The following RBMS2 variants were observed in gnomAD, a reference collection of about 807,000 sequenced individuals.
RBMS2 encodes the protein RNA-binding motif, single-stranded-interacting protein 2.
A neutral mutation model predicts 58.4 loss-of-function variants in RBMS2; 38 were observed. The observed-to-expected ratio is 0.65, with a 90% CI of 0.50 to 0.85. The LOEUF (loss-of-function observed/expected upper bound fraction) is 0.85, where lower values mean the gene tolerates loss of function less well. Among genes scored for constraint, RBMS2 ranks in the 40% least tolerant of loss-of-function variants. The pLI, the probability that RBMS2 is intolerant of heterozygous loss-of-function variation, is 0.00. For synonymous variants in RBMS2, 151 were observed against 180.7 expected (o/e 0.84, Z 1.32); for missense variants, 367 against 503.7 (o/e 0.73, Z 2.60).
chr12:56,555,624 TC>T (rs1298473775), intron 1 of RBMS2, among the ~76,000 whole-genome samples: 1 of 151,834 alleles, frequency 6.6e-6, no homozygotes, highest in African/African-American at 2.4e-5. Flanking sequence ...CAGGTCTCAC[TC>T]TGTCACCCAG....
chr12:56,552,160 G>A lies in RBMS2; in HGVS notation c.67-10257G>A, dbSNP rs544807369. Among the ~76,000 whole-genome samples, 17 of 152,336 alleles carry A rather than the reference G, an allele frequency of 1.1e-4. No homozygotes were observed. The South Asian group carries it at 3.5e-3, about 32-fold the overall frequency. On this transcript the variant is annotated intron_variant, in intron 1 of 13. Coordinates refer to ENST00000262031, the MANE Select transcript of RBMS2 (RefSeq NM_002898.4). ...CTAATGTATTGCCTTAGAAACGTAG[G>A]CATGTAAAGGAAGTAATGTTTTTAA...
intron 1 of RBMS2, among the ~76,000 whole-genome samples, chr12:56,534,290 C>T (rs941619850): frequency 6.6e-6 from 1 of 152,214 alleles, no homozygotes; most frequent in Admixed American, 6.5e-5. Flanking sequence ...TGTGTTTGTT[C>T]ATTTTTGCTG....
intron 5 of RBMS2, chr12:56,573,056 CTT>C (rs34175256): frequency 3.1e-3 from 2,714 of 885,556 alleles, no homozygotes; most frequent in African/African-American, 7.4e-3. Context: ...ATTCTTTTGA[CTT>C]TTTTTTTTTT....
intron 1 of RBMS2, among the ~76,000 whole-genome samples, chr12:56,532,921 TTTTTA>T (rs148516758): frequency 0.4 from 60,564 of 150,136 alleles, 14,023 homozygotes; most frequent in East Asian, 0.58. Context: ...ACTCTCTTGC[TTTTTA>T]TTTTATTTTA....
intron 1 of RBMS2, among the ~76,000 whole-genome samples, chr12:56,535,177 T>C (rs951250807): frequency 6.6e-6 from 1 of 152,124 alleles, no homozygotes; most frequent in African/African-American, 2.4e-5. Flanking sequence ...CTCTTTTCTG[T>C]CTATACTTCT....
intron 4 of RBMS2, among the ~76,000 whole-genome samples, chr12:56,571,451 C>T (rs560181261): frequency 2.0e-5 from 3 of 152,218 alleles, no homozygotes; most frequent in Admixed American, 6.5e-5. Flanking sequence ...AAAGAGACAG[C>T]CAAACACCAT....
intron 1 of RBMS2, among the ~76,000 whole-genome samples, chr12:56,558,071 GT>G (rs1431754269): frequency 1.1e-5 from 1 of 90,648 alleles, no homozygotes; most frequent in Non-Finnish European, 2.1e-5. Flanking sequence ...TTGAGACGGA[GT>G]CTTGCTCTGT....
chr12:56,544,262 C>T (rs1876724895), intron 1 of RBMS2, among the ~76,000 whole-genome samples: 2 of 152,094 alleles, frequency 1.3e-5, no homozygotes, highest in South Asian at 4.1e-4. Flanking sequence ...GGCAACAGAG[C>T]GGGACTTTGT....
chr12:56,589,422 T>C lies in RBMS2; in HGVS notation c.*289T>C. The C allele has an allele frequency of 2.9e-6, 2 of 688,752 alleles. No individual in the cohort carries two copies. The highest frequency in any genetic ancestry group is 3.9e-6 in the Non-Finnish European group (2 of 508,572). 42.7% of individuals were successfully genotyped at this position (688,752 alleles called of 1,614,324 possible). A position where few individuals can be genotyped will look rare whatever the true frequency, so the allele number is the denominator to read the frequency against. On this transcript the variant is annotated 3_prime_UTR_variant, in exon 14 of 14. Coordinates refer to ENST00000262031, the MANE Select transcript of RBMS2 (RefSeq NM_002898.4). The stretch of plus-strand genomic sequence containing the variant: ...TTTTGCAAAGAAAGCTTTTTGTTTT[T>C]AACTGCAACGTACTTTTCCCCTACC...
chr12:56,542,580 A>G (rs375017278), intron 1 of RBMS2, among the ~76,000 whole-genome samples: 52 of 119,008 alleles, frequency 4.4e-4, no homozygotes, highest in African/African-American at 1.7e-3. Context: ...TCAGGGTTTC[A>G]CTGTGTTGCC....
At chr12:56,582,233 C>T in intron 9 of RBMS2, 81 bp downstream of exon 9, 5 of 1,270,266 alleles carry the variant, frequency 3.9e-6, no homozygotes, top group Non-Finnish European at 5.5e-6. Flanking sequence ...CTAGGAACTA[C>T]TTGTTTTTTG....
In RBMS2 at chr12:56,582,132, T is replaced by A. The variant is rs558330150; in HGVS notation, c.853T>A (p.Ser285Thr). The A allele has an allele frequency of 6.2e-7, 1 of 1,608,886 alleles. No homozygotes were observed. The highest frequency in any genetic ancestry group is 1.1e-5 in the South Asian group (1 of 90,874). Residue 285 changes from serine (S) to threonine (T), a missense_variant, in exon 9 of 14, where the codon TCT (serine) becomes ACT (threonine). This residue lies in a region of RBMS2 where 220 missense variants were observed against 261.1 expected (regional missense o/e 0.84). Transcript: ENST00000262031. ...GTCTGCACTCTCCCCATACCTTTCC[T>A]CTCCTGTGTCTTCGTATCAGGTATG... ...AQSALSPYLS[S>T]PVSSYQRVTQ...
intron 5 of RBMS2, among the ~76,000 whole-genome samples, chr12:56,578,825 C>T (rs915431875): frequency 2.0e-5 from 3 of 151,884 alleles, no homozygotes; most frequent in Non-Finnish European, 2.9e-5. Context: ...ATTAGCCAGG[C>T]GTGGTGGCTC....
At chr12:56,581,678 G>T in intron 7 of RBMS2, 155 bp from the exon 8 acceptor site, 2 of 1,151,088 alleles carry the variant, frequency 1.7e-6, no homozygotes, top group Non-Finnish European at 2.5e-6. Context: ...TGGCTTTGCG[G>T]CCTGCACAAT....
chr12:56,543,282 A>G (rs1876486337), intron 1 of RBMS2, among the ~76,000 whole-genome samples: 1 of 151,766 alleles, frequency 6.6e-6, no homozygotes, highest in South Asian at 2.1e-4. Context: ...CAGGAGTTCG[A>G]GACCAGCCTG....
chr12:56,560,326 G>A lies in RBMS2; in HGVS notation c.67-2091G>A, dbSNP rs191866844. Among the ~76,000 whole-genome samples, 616 of 150,296 alleles carry A rather than the reference G, an allele frequency of 4.1e-3. 4 individuals are homozygous for A. Among genetic ancestry groups the A allele is most frequent in the African/African-American group, 0.014 (584 of 40,814 alleles). On this transcript the variant is annotated intron_variant, in intron 1 of 13. Transcript: ENST00000262031. ...GGCTGGAGTGCAGTGGTGCAGTCTC[G>A]GCTCACTGCAACCTCTGCCTCCCGG...
chr12:56,525,453 C>T (rs1872495961), intron 1 of RBMS2, among the ~76,000 whole-genome samples: 1 of 152,030 alleles, frequency 6.6e-6, no homozygotes, highest in Non-Finnish European at 1.5e-5. Context: ...AACTCCTGGC[C>T]TCAAGCAATC....
chr12:56,553,927 C>T (rs529432207), intron 1 of RBMS2, among the ~76,000 whole-genome samples: 23 of 151,244 alleles, frequency 1.5e-4, no homozygotes, highest in Non-Finnish European at 2.7e-4. Context: ...TGGCTTCAAG[C>T]GATTCTCCTG....
At chr12:56,581,619 T>A in intron 7 of RBMS2, 111 bp downstream of exon 7, 3 of 1,235,146 alleles carry the variant, frequency 2.4e-6, no homozygotes, top group Non-Finnish European at 3.5e-6. Flanking sequence ...CTACAGTACG[T>A]AATTGAGAAA....
Sources: allele counts gnomAD v4.1 joint callset (sites outside exome capture counted in the v4.1 genomes callset), GRCh38; gene constraint gnomAD v4.1.1; regional missense constraint gnomAD v4.1.1; transcripts MANE v1.5; gene names NCBI Gene and HGNC (gene_info 2026-07-23, HGNC 2026-07-21).